The following SEZ6L variants were observed in gnomAD, a reference collection of about 807,000 sequenced individuals.
SEZ6L encodes the protein seizure 6-like protein.
Under a neutral mutation model 106.2 loss-of-function variants are expected in SEZ6L, and 37 were observed. The observed-to-expected ratio is 0.35, with a 90% CI of 0.27 to 0.46. The LOEUF (loss-of-function observed/expected upper bound fraction) is 0.46, where lower values mean the gene tolerates loss of function less well. SEZ6L is among the 20% of genes least tolerant of loss of function. The pLI is 1.00. For missense variants in SEZ6L, 1,172 were observed against 1,332.8 expected (o/e 0.88, Z 1.88); for synonymous variants, 541 against 570.4 (o/e 0.95, Z 0.73).
chr22:26,328,601 C>T (rs1172332979), intron 9 of SEZ6L, among the ~76,000 whole-genome samples: 1 of 152,166 alleles, frequency 6.6e-6, no homozygotes, highest in Non-Finnish European at 1.5e-5. Context: ...TATCGGTGAC[C>T]TTGCCAGAGC....
At chr22:26,348,573 A>G (rs1478068061) in intron 11 of SEZ6L, among the ~76,000 whole-genome samples, 34 of 95,038 alleles carry the variant, frequency 3.6e-4, no homozygotes, top group African/African-American at 1.4e-3. Context: ...GAGGAAAGAA[A>G]GAAAGAAAGA....
intron 16 of SEZ6L, among the ~76,000 whole-genome samples, chr22:26,379,953 G>A (rs904589417): frequency 6.6e-6 from 1 of 152,166 alleles, no homozygotes; most frequent in Non-Finnish European, 1.5e-5. Context: ...CTGGTTGATG[G>A]ATGGGTGACT....
chr22:26,349,005 T>C (rs925648993), intron 11 of SEZ6L, among the ~76,000 whole-genome samples: 15 of 152,144 alleles, frequency 9.9e-5, no homozygotes, highest in African/African-American at 3.6e-4. Context: ...CATTATTATT[T>C]AACCATTTTA....
At chr22:26,269,740 C>CAGA (rs146515901) in intron 1 of SEZ6L, among the ~76,000 whole-genome samples, 1 of 152,362 alleles carries the variant, frequency 6.6e-6, no homozygotes, top group African/African-American at 2.4e-5. Flanking sequence ...AGCTGCCTTA[C>CAGA]AGATGCTGTT....
chr22:26,170,137 T>C (rs939904488), intron 1 of SEZ6L, among the ~76,000 whole-genome samples: 17 of 151,842 alleles, frequency 1.1e-4, no homozygotes, highest in African/African-American at 3.4e-4. Flanking sequence ...GATAATTATC[T>C]TCCTCTCCGG....
In SEZ6L at chr22:26,311,780, G is replaced by A. The variant is rs1370212620; in HGVS notation, c.1694G>A (p.Gly565Asp). 1 of 1,613,994 alleles carries A rather than the reference G, an allele frequency of 6.2e-7. No individual in the cohort carries two copies. The highest frequency in any genetic ancestry group is 1.3e-5 in the African/African-American group (1 of 75,014). Reference protein sequence around the residue: ...FNIRFEAFEKGHCYEPYIQNG... With the variant: ...FNIRFEAFEKDHCYEPYIQNG... Reference sequence around the variant, plus strand: ...TTCCCTTCCTCAGCGTTTGAGAAAGGCCACTGCTATGAGCCCTACATCCAG... The same window carrying A: ...TTCCCTTCCTCAGCGTTTGAGAAAGACCACTGCTATGAGCCCTACATCCAG... Residue 565 changes from glycine to aspartate, a missense_variant, in exon 8 of 17, where the codon GGC (glycine) becomes GAC (aspartate). Gly to Asp is a moderately conservative substitution (Grantham distance 94, BLOSUM62 -1). Transcript: ENST00000248933.
At chr22:26,245,478 G>T (rs1329732917) in intron 1 of SEZ6L, among the ~76,000 whole-genome samples, 3 of 152,052 alleles carry the variant, frequency 2.0e-5, no homozygotes, top group Non-Finnish European at 4.4e-5. Flanking sequence ...TTCCCCATTT[G>T]GCATGCATTT....
At chr22:26,231,009 G>A (rs1307227410) in intron 1 of SEZ6L, among the ~76,000 whole-genome samples, 1 of 152,166 alleles carries the variant, frequency 6.6e-6, no homozygotes, top group Non-Finnish European at 1.5e-5. Context: ...GCCCAGGAGG[G>A]TTCTTGGCTT....
intron 1 of SEZ6L, among the ~76,000 whole-genome samples, chr22:26,203,222 T>C (rs1941086447): frequency 6.6e-6 from 1 of 152,244 alleles, no homozygotes. Flanking sequence ...AATGAAGCTG[T>C]CAGTTGCAAG....
rs1176903970 is a variant in SEZ6L at position 26,351,517 on chromosome 22, G to GTTTT, written c.2599+277_2599+278insTTTT. 1.1e-3 allele frequency: 326 copies of GTTTT among 299,434 alleles called. 10 individuals are homozygous for GTTTT. The South Asian group carries it at 0.021, about 19-fold the overall frequency. 18.5% of individuals were successfully genotyped at this position (299,434 alleles called of 1,614,324 possible). On this transcript the variant is annotated intron_variant, in intron 12 of 16. Coordinates refer to ENST00000248933, the MANE Select transcript of SEZ6L (RefSeq NM_021115.5). ...GGAGCATAGTATACTTTGTTTTTTT[G>GTTTT]TTTGTTTGTTTGTTTGTTTGTTTGT...
chr22:26,227,503 A>T (rs941174733), intron 1 of SEZ6L, among the ~76,000 whole-genome samples: 8 of 152,010 alleles, frequency 5.3e-5, no homozygotes, highest in Non-Finnish European at 1.2e-4. Flanking sequence ...GAACTCCTGG[A>T]TTCAAGCAGT....
chr22:26,288,974 A>T (rs1019250822), intron 1 of SEZ6L, among the ~76,000 whole-genome samples: 2 of 152,254 alleles, frequency 1.3e-5, no homozygotes, highest in Non-Finnish European at 2.9e-5. Context: ...TTTCCAATTT[A>T]GCAGGGTTAA....
At chr22:26,209,711 A>G (rs2078092416) in intron 1 of SEZ6L, among the ~76,000 whole-genome samples, 1 of 147,618 alleles carries the variant, frequency 6.8e-6, no homozygotes, top group African/African-American at 2.5e-5. Context: ...AGAAAGAGGA[A>G]GGAGGAAGGG....
At chr22:26,321,201 T>A (rs1412535370) in intron 9 of SEZ6L, among the ~76,000 whole-genome samples, 1 of 152,218 alleles carries the variant, frequency 6.6e-6, no homozygotes, top group Non-Finnish European at 1.5e-5. Context: ...GTTCTGTTAT[T>A]ATCTCCATTT....
Position 26,306,094 on chromosome 22 carries a change from C to G in SEZ6L, c.1464C>G (p.Gly488=). Reference sequence around the variant, plus strand: ...TCTGGACGATTGAAGCTCCAGAGGGCCAGAAGCTGCACCTGCACTTTGAGA... The same window carrying G: ...TCTGGACGATTGAAGCTCCAGAGGGGCAGAAGCTGCACCTGCACTTTGAGA... ...FCIWTIEAPE[G]QKLHLHFERL... is the part of the protein sequence containing the mutation. The change falls in exon 6 of 17, where the codon GGC becomes GGG. Residue 488 remains glycine, a synonymous_variant. Coordinates refer to ENST00000248933, the MANE Select transcript of SEZ6L (RefSeq NM_021115.5). 1 of 1,614,104 alleles carries G rather than the reference C, an allele frequency of 6.2e-7. No individual in the cohort carries two copies. The highest frequency in any genetic ancestry group is 1.1e-5 in the South Asian group (1 of 91,088).
chr22:26,202,957 T>C (rs1602020176), intron 1 of SEZ6L, among the ~76,000 whole-genome samples: 1 of 152,246 alleles, frequency 6.6e-6, no homozygotes, highest in South Asian at 2.1e-4. Flanking sequence ...TAACAAAGTT[T>C]CCATATATTG....
At chr22:26,235,406 C>T (rs1163998099) in intron 1 of SEZ6L, among the ~76,000 whole-genome samples, 1 of 152,046 alleles carries the variant, frequency 6.6e-6, no homozygotes, top group Non-Finnish European at 1.5e-5. Flanking sequence ...CAATATTCAC[C>T]ATGGGCCAGA....
chr22:26,236,128 T>C (rs1020353176), intron 1 of SEZ6L, among the ~76,000 whole-genome samples: 2 of 152,206 alleles, frequency 1.3e-5, no homozygotes, highest in Non-Finnish European at 2.9e-5. Flanking sequence ...TTCCCAGCCA[T>C]GACTGTCCCT....
chr22:26,296,877 C>A lies in SEZ6L; in HGVS notation c.970-11C>A, dbSNP rs1364999735. On this transcript the variant is annotated splice_polypyrimidine_tract_variant and intron_variant, in intron 3 of 16. Transcript: ENST00000248933. ...CAGAGTTCCTCTCTGTCTGCTTCTGCCTGTTCCCAGGTGAAGAGTGTGAAC... is the reference window on the plus strand; with the variant it reads ...CAGAGTTCCTCTCTGTCTGCTTCTGACTGTTCCCAGGTGAAGAGTGTGAAC... The A allele has an allele frequency of 6.4e-7, 1 of 1,566,932 alleles. No homozygotes were observed. Among genetic ancestry groups the A allele is most frequent in the African/African-American group, 1.4e-5 (1 of 73,492 alleles).
Sources: allele counts gnomAD v4.1 joint callset (sites outside exome capture counted in the v4.1 genomes callset), GRCh38; gene constraint gnomAD v4.1.1; transcripts MANE v1.5; gene names NCBI Gene and HGNC (gene_info 2026-07-23, HGNC 2026-07-21).